Variants in WDPCP observed in about 807,000 individuals in gnomAD.
WDPCP encodes WD repeat-containing and planar cell polarity effector protein fritz homolog.
In WDPCP, 71 loss-of-function variants were observed where a neutral mutation model predicts 93.1. That is an observed-to-expected ratio of 0.76 (90% confidence interval 0.63 to 0.93). The LOEUF is 0.93. WDPCP is among the 40% of genes least tolerant of loss of function. The pLI is 0.00. For missense variants in WDPCP, 844 were observed against 887.4 expected, an observed-to-expected ratio of 0.95 and a Z score of 0.62; for synonymous variants, 315 against 315.0, an observed-to-expected ratio of 1.00 and a Z score of 0.00.
intron 3 of WDPCP, chr2:63,605,446 T>C (rs1269450227): frequency 1.6e-6 from 2 of 1,249,430 alleles, no homozygotes; most frequent in South Asian, 2.4e-5. Flanking sequence ...TGTTGCCTGA[T>C]GATATAATAT....
intron 2 of WDPCP, among the ~76,000 whole-genome samples, chr2:63,720,451 C>A (rs1035656092): frequency 5.4e-5 from 8 of 149,086 alleles, no homozygotes; most frequent in Admixed American, 5.4e-4. Flanking sequence ...ACAACAACAA[C>A]AAAAAAGTAC....
rs759180720 is a variant in WDPCP, at chr2:63,221,530, G to A, written c.1915+37777C>T. On this transcript the variant is annotated intron_variant, in intron 14 of 17. Coordinates refer to ENST00000272321, the MANE Select transcript of WDPCP (RefSeq NM_015910.7). ...GGACATGTTTGTTATAACATCCATA[G>A]CAACAGTTTCCTAAAGGTATTTAGA... Among the ~76,000 whole-genome samples, 40 of 152,296 alleles carry A rather than the reference G, an allele frequency of 2.6e-4. 1 individual carries two copies. Among genetic ancestry groups the A allele is most frequent in the Middle Eastern group, 3.4e-3 (1 of 294 alleles).
chr2:63,388,878 TC>T (rs1482805701), intron 10 of WDPCP, among the ~76,000 whole-genome samples: 5 of 151,994 alleles, frequency 3.3e-5, no homozygotes, highest in Admixed American at 2.0e-4. Context: ...GAATAAAGAC[TC>T]CAAGAAATAT....
chr2:63,317,405 T>C (rs1686729620), intron 12 of WDPCP, among the ~76,000 whole-genome samples: 2 of 55,278 alleles, frequency 3.6e-5, no homozygotes, highest in African/African-American at 2.7e-4. Flanking sequence ...TGAAACTACA[T>C]CTCAAAAAAA....
At chr2:63,495,976 AG>A (rs1262988855) in intron 1 of WDPCP, among the ~76,000 whole-genome samples, 2 of 152,178 alleles carry the variant, frequency 1.3e-5, no homozygotes, top group Non-Finnish European at 2.9e-5. Flanking sequence ...ATTGCAAGTA[AG>A]AAAGAAAAGA....
chr2:63,157,503 G>A (rs571047885), intron 15 of WDPCP, among the ~76,000 whole-genome samples: 4 of 152,134 alleles, frequency 2.6e-5, no homozygotes, highest in East Asian at 1.9e-4. Flanking sequence ...TGAAACCATC[G>A]GGACCTGGAG....
At chr2:63,328,431 C>T (rs537063289) in intron 12 of WDPCP, among the ~76,000 whole-genome samples, 18 of 152,156 alleles carry the variant, frequency 1.2e-4, no homozygotes, top group Non-Finnish European at 2.1e-4. Context: ...CAGCTTCACT[C>T]CTGAAGTCCG....
At chr2:63,435,344 C>T (rs753316372) in intron 8 of WDPCP, among the ~76,000 whole-genome samples, 1 of 152,158 alleles carries the variant, frequency 6.6e-6, no homozygotes, top group Non-Finnish European at 1.5e-5. Context: ...ATACCACTTC[C>T]TTGTTTTAAA....
At chr2:63,643,657 A>G (rs1710011078) in intron 3 of WDPCP, 1 of 464,294 alleles carries the variant, frequency 2.2e-6, no homozygotes, top group Non-Finnish European at 4.3e-6. Context: ...TGTACCCACA[A>G]AGATTTTTCT....
intron 13 of WDPCP, among the ~76,000 whole-genome samples, chr2:63,289,194 T>A (rs1451701015): frequency 1.3e-5 from 2 of 152,132 alleles, no homozygotes. Flanking sequence ...TTCTCACCAG[T>A]TATAGCATCC....
At chr2:63,522,540 GAATT>G (rs1400106879) in intron 1 of WDPCP, among the ~76,000 whole-genome samples, 1 of 149,056 alleles carries the variant, frequency 6.7e-6, no homozygotes, top group Non-Finnish European at 1.5e-5. Context: ...TTCCTTGAAA[GAATT>G]AATAAGATAG....
intron 2 of WDPCP, among the ~76,000 whole-genome samples, chr2:63,661,322 C>A (rs1409255265): frequency 6.6e-6 from 1 of 152,148 alleles, no homozygotes; most frequent in African/African-American, 2.4e-5. Flanking sequence ...AGAATTGAGG[C>A]TTCAATTCCT....
chr2:63,386,397 A>G (rs1692733734), intron 10 of WDPCP, among the ~76,000 whole-genome samples: 1 of 152,102 alleles, frequency 6.6e-6, no homozygotes, highest in Non-Finnish European at 1.5e-5. Context: ...AAATTTGGGC[A>G]AAAGATTTGA....
chr2:63,324,655 C>G (rs529187009), intron 12 of WDPCP, among the ~76,000 whole-genome samples: 71 of 152,218 alleles, frequency 4.7e-4, no homozygotes, highest in Non-Finnish European at 9.1e-4. Context: ...AGCTGCAGCC[C>G]AAGAGTTTGG....
At chr2:63,657,325 C>T (rs1016198185) in intron 2 of WDPCP, among the ~76,000 whole-genome samples, 9 of 151,406 alleles carry the variant, frequency 5.9e-5, no homozygotes, top group African/African-American at 2.2e-4. Context: ...CTGCCTCAGC[C>T]TCCTGAGTAG....
intron 2 of WDPCP, among the ~76,000 whole-genome samples, chr2:63,734,400 T>A (rs1669609881): frequency 6.6e-6 from 1 of 152,188 alleles, no homozygotes; most frequent in Non-Finnish European, 1.5e-5. Flanking sequence ...GCATATAATG[T>A]CTATATAATG....
At chr2:63,422,927 T>C (rs1022352) in intron 9 of WDPCP, among the ~76,000 whole-genome samples, 72,057 of 152,110 alleles carry the variant, frequency 0.47, 17,642 homozygotes, top group African/African-American at 0.59. Flanking sequence ...ATTTAAGATA[T>C]ACATTAAAAT....
At chr2:63,342,081 G>T (rs1176884569) in intron 12 of WDPCP, among the ~76,000 whole-genome samples, 1 of 152,148 alleles carries the variant, frequency 6.6e-6, no homozygotes, top group Non-Finnish European at 1.5e-5. Context: ...TCAGGAATTA[G>T]ATTCTCATAA....
chr2:63,757,511 T>C (rs1004411451), intron 2 of WDPCP, among the ~76,000 whole-genome samples: 4 of 152,196 alleles, frequency 2.6e-5, no homozygotes, highest in Non-Finnish European at 5.9e-5. Flanking sequence ...GATTATGACC[T>C]TGATGCTATG....
Sources: allele counts gnomAD v4.1 joint callset (sites outside exome capture counted in the v4.1 genomes callset), GRCh38; gene constraint gnomAD v4.1.1; transcripts MANE v1.5; gene names NCBI Gene and HGNC (gene_info 2026-07-23, HGNC 2026-07-21).